Variants in GRID2 observed in about 807,000 individuals in gnomAD.
GRID2 encodes the protein glutamate ionotropic receptor delta type subunit 2, also known as glutamate receptor ionotropic, delta-2.
A neutral mutation model predicts 114.8 loss-of-function variants in GRID2; 33 were observed. The observed-to-expected ratio is 0.29, with a 90% confidence interval of 0.22 to 0.38. The LOEUF is 0.38. GRID2 is among the 10% of genes least tolerant of loss of function. The pLI is 1.00. For missense variants in GRID2, 1,184 were observed against 1,257.7 expected, an observed-to-expected ratio of 0.94 and a Z score of 0.89; for synonymous variants, 505 against 449.9, an observed-to-expected ratio of 1.12 and a Z score of -1.55.
intron 1 of GRID2, among the ~76,000 whole-genome samples, chr4:92,311,918 A>G (rs1725727391): frequency 6.6e-6 from 1 of 152,050 alleles, no homozygotes; most frequent in African/African-American, 2.4e-5. Context: ...AGAGGCAACC[A>G]GATAAGAAAA....
intron 2 of GRID2, among the ~76,000 whole-genome samples, chr4:92,654,846 ATGT>A (rs1290595165): frequency 6.6e-6 from 1 of 151,892 alleles, no homozygotes; most frequent in Non-Finnish European, 1.5e-5. Flanking sequence ...CCCATTGAAG[ATGT>A]TGTCTCTTCA....
At chr4:92,840,961 A>G (rs918605063) in intron 2 of GRID2, among the ~76,000 whole-genome samples, 4 of 152,082 alleles carry the variant, frequency 2.6e-5, no homozygotes, top group Admixed American at 2.0e-4. Flanking sequence ...CTTCTTAATA[A>G]CTATTCCAAA....
chr4:93,135,299 C>G (rs1735146724), intron 4 of GRID2, among the ~76,000 whole-genome samples: 1 of 152,068 alleles, frequency 6.6e-6, no homozygotes, highest in Non-Finnish European at 1.5e-5. Context: ...TTTTCAGAGT[C>G]TTCTACTACA....
chr4:92,529,693 GGT>G (rs2149148748), intron 1 of GRID2, among the ~76,000 whole-genome samples: 1 of 152,106 alleles, frequency 6.6e-6, no homozygotes, highest in South Asian at 2.1e-4. Context: ...AAGATAATGA[GGT>G]GTTAAAGGAT....
At chr4:92,438,472 T>C (rs974094770) in intron 1 of GRID2, among the ~76,000 whole-genome samples, 6 of 152,188 alleles carry the variant, frequency 3.9e-5, no homozygotes, top group Non-Finnish European at 7.4e-5. Context: ...TCTTTGTTTT[T>C]ATTTAATAGT....
chr4:92,319,466 A>C (rs1726191599), intron 1 of GRID2, among the ~76,000 whole-genome samples: 1 of 152,234 alleles, frequency 6.6e-6, no homozygotes, highest in South Asian at 2.1e-4. Context: ...AAACATCCTT[A>C]GAGGCAGCAA....
chr4:93,644,747 A>G (rs571055437), intron 14 of GRID2, among the ~76,000 whole-genome samples: 5 of 152,204 alleles, frequency 3.3e-5, no homozygotes, highest in African/African-American at 9.6e-5. Flanking sequence ...TCATTAAGGT[A>G]GATGAGAAAA....
intron 2 of GRID2, among the ~76,000 whole-genome samples, chr4:92,863,106 C>T (rs900767018): frequency 2.0e-5 from 3 of 152,072 alleles, no homozygotes; most frequent in African/African-American, 7.2e-5. Context: ...ATGCGTTGTG[C>T]AGAACTTTAG....
chr4:93,042,071 T>G (rs898530738), intron 2 of GRID2, among the ~76,000 whole-genome samples: 1 of 151,606 alleles, frequency 6.6e-6, no homozygotes, highest in African/African-American at 2.4e-5. Context: ...CCTGGCTAAT[T>G]TTTTTGTATT....
intron 8 of GRID2, among the ~76,000 whole-genome samples, chr4:93,292,969 G>A (rs1462710894): frequency 1.3e-5 from 2 of 152,142 alleles, no homozygotes; most frequent in African/African-American, 4.8e-5. Context: ...TGTGGCATCT[G>A]CATAGCCCTT....
intron 8 of GRID2, among the ~76,000 whole-genome samples, chr4:93,274,491 C>G (rs901367884): frequency 6.6e-6 from 1 of 151,962 alleles, no homozygotes; most frequent in Non-Finnish European, 1.5e-5. Flanking sequence ...TAATCACTAC[C>G]AAAATTAGGT....
chr4:93,367,560 G>C (rs544091421), intron 8 of GRID2, among the ~76,000 whole-genome samples: 1 of 152,084 alleles, frequency 6.6e-6, no homozygotes, highest in African/African-American at 2.4e-5. Flanking sequence ...ATAAATATAC[G>C]AATAGGTTAA....
chr4:93,731,481 C>G (rs1445269450), intron 14 of GRID2, among the ~76,000 whole-genome samples: 1 of 152,196 alleles, frequency 6.6e-6, no homozygotes, highest in Non-Finnish European at 1.5e-5. Flanking sequence ...CAGCTGTCAT[C>G]TGATTTGTAA....
chr4:92,660,052 A>G (rs1732446728), intron 2 of GRID2, among the ~76,000 whole-genome samples: 1 of 151,358 alleles, frequency 6.6e-6, no homozygotes, highest in South Asian at 2.1e-4. Context: ...ATTTTTTCAG[A>G]TGGTAGAGAA....
At chr4:92,538,565 T>C (rs545125391) in intron 1 of GRID2, among the ~76,000 whole-genome samples, 1 of 152,290 alleles carries the variant, frequency 6.6e-6, no homozygotes, top group Non-Finnish European at 1.5e-5. Context: ...AGCAAACTTG[T>C]CTAACAAAGT....
chr4:92,420,104 T>A (rs982771443), intron 1 of GRID2, among the ~76,000 whole-genome samples: 1 of 152,128 alleles, frequency 6.6e-6, no homozygotes, highest in Non-Finnish European at 1.5e-5. Flanking sequence ...AAAAATTGGT[T>A]TCACAAAATG....
intron 1 of GRID2, among the ~76,000 whole-genome samples, chr4:92,546,153 C>A (rs1029704081): frequency 1.3e-5 from 2 of 152,096 alleles, no homozygotes; most frequent in Non-Finnish European, 2.9e-5. Context: ...TCAACCTTTA[C>A]AATGTGACTG....
intron 2 of GRID2, among the ~76,000 whole-genome samples, chr4:92,916,128 C>T (rs749454512): frequency 4.6e-5 from 7 of 151,974 alleles, no homozygotes; most frequent in Non-Finnish European, 8.8e-5. Context: ...GTGTCTTTGT[C>T]GTGAAATTTT....
At chr4:92,819,106 CAGCATGAGCATG>C (rs368063922) in intron 2 of GRID2, among the ~76,000 whole-genome samples, 1 of 152,028 alleles carries the variant, frequency 6.6e-6, no homozygotes, top group African/African-American at 2.4e-5. Flanking sequence ...ACTTTACTCC[CAGCATGAGCATG>C]AGCATGAGCA....
Sources: gnomAD v4.1 joint callset for allele counts (sites outside exome capture counted in the v4.1 genomes callset) on GRCh38, gnomAD v4.1.1 for gene constraint, MANE v1.5 for transcripts, NCBI Gene and HGNC (gene_info 2026-07-23, HGNC 2026-07-21) for gene names.